The following TTYH1 variants were observed in gnomAD, a reference collection of about 807,000 sequenced individuals.
The protein encoded by TTYH1 is protein tweety homolog 1.
In TTYH1, 33 loss-of-function variants were observed where a neutral mutation model predicts 61.2. That is an observed-to-expected ratio of 0.54 (90% CI 0.41 to 0.72). The LOEUF is 0.72. TTYH1 is among the 30% of genes least tolerant of loss of function. The pLI, the probability that TTYH1 is intolerant of heterozygous loss-of-function variation, is 0.00. For missense variants in TTYH1, 538 were observed against 575.8 expected, an observed-to-expected ratio of 0.93 and a Z score of 0.67; for synonymous variants, 308 against 266.4, an observed-to-expected ratio of 1.16 and a Z score of -1.52.
chr19:54,430,619 G>C lies in TTYH1; in HGVS notation c.939+14G>C. 2 of 1,613,672 alleles carry C rather than the reference G, an allele frequency of 1.2e-6. No individual in the cohort carries two copies. The highest frequency in any genetic ancestry group is 1.7e-6 in the Non-Finnish European group (2 of 1,179,782). ...CCCTTCCAACAGGTTAGGGCTGCGG[G>C]CAGGGGAAACGGGTGTTGAGGGAGC... On this transcript the variant is annotated intron_variant, in intron 8 of 13. Transcript: ENST00000376530.
At position 54,415,712 on chromosome 19, in the gene TTYH1, C is replaced by G; in HGVS notation, c.126+34C>G. 2 of 1,507,544 alleles carry G rather than the reference C, an allele frequency of 1.3e-6. No individual in the cohort carries two copies. The highest frequency in any genetic ancestry group is 1.8e-6 in the Non-Finnish European group (2 of 1,131,048). The allele number at this position is 1,507,544 out of a possible 1,614,324, so 93.4% of individuals were successfully genotyped here. ...GGGCGCCAGGGCCTGGGGGCCAGGG[C>G]TGGGGGCCGGAGCTCCTGGGTCCCG... On this transcript the variant is annotated intron_variant, in intron 1 of 13. Transcript: ENST00000376530. This position sits in a 1 kb window ranked among gnomAD's most constrained non-coding sequence, Gnocchi z 5.2.
intron 4 of TTYH1, among the ~76,000 whole-genome samples, chr19:54,426,050 C>T (rs1340823594): frequency 6.6e-6 from 1 of 152,312 alleles, no homozygotes; most frequent in South Asian, 2.1e-4. Flanking sequence ...TCAGTTCCCT[C>T]GTTCACGCTC....
rs1866012403 is a variant in TTYH1 at position 54,420,138 on chromosome 19, C to A, written c.305+832C>A. Among the ~76,000 whole-genome samples, 1 of 152,176 alleles carries A rather than the reference C, an allele frequency of 6.6e-6. No homozygotes were observed. The highest frequency in any genetic ancestry group is 2.4e-5 in the African/African-American group (1 of 41,442). ...GAGCTTAGGGGGCTTCCAATGTGAA[C>A]ACACCAGCTACCAAGAACGAGCTCT... On this transcript the variant is annotated intron_variant, in intron 2 of 13. Coordinates refer to ENST00000376530, the MANE Select transcript of TTYH1 (RefSeq NM_020659.4). This position sits in a 1 kb window ranked among gnomAD's most constrained non-coding sequence, Gnocchi z 4.8.
chr19:54,430,952 C>A, intron 9 of TTYH1, 47 bp downstream of exon 9: 4 of 1,527,940 alleles, frequency 2.6e-6, no homozygotes, highest in Non-Finnish European at 3.5e-6. Flanking sequence ...ACGGGGAAGG[C>A]GGACGGGGCG....
intron 4 of TTYH1, among the ~76,000 whole-genome samples, chr19:54,424,813 C>G (rs2083290182): frequency 1.3e-5 from 2 of 152,190 alleles, no homozygotes; most frequent in African/African-American, 4.8e-5. Context: ...AGGAGTGAAG[C>G]CCAAGCTTGT....
At position 54,416,068 on chromosome 19, in the gene TTYH1, T is replaced by C. The variant is rs767384708; in HGVS notation, c.126+390T>C. 58 of 1,306,882 alleles carry C rather than the reference T, an allele frequency of 4.4e-5. No homozygotes were observed. The highest frequency in any genetic ancestry group is 5.3e-5 in the Non-Finnish European group (53 of 991,052). 81.0% of individuals were successfully genotyped at this position (1,306,882 alleles called of 1,614,324 possible). ...CCCTGCCCCACAGGATCAGAGCAGG[T>C]GAATATGTCCCAGATAAGGTGGGAC... On this transcript the variant is annotated intron_variant, in intron 1 of 13. Coordinates refer to ENST00000376530, the MANE Select transcript of TTYH1 (RefSeq NM_020659.4). The surrounding 1 kb of genome is among the most constrained non-coding windows in gnomAD (Gnocchi z 7.0).
chr19:54,424,425 TG>T (rs2122893083), intron 4 of TTYH1, among the ~76,000 whole-genome samples: 1 of 152,384 alleles, frequency 6.6e-6, no homozygotes, highest in Non-Finnish European at 1.5e-5. Flanking sequence ...CCTTCCGGGA[TG>T]CTGCGCTCCA....
chr19:54,430,009 G>A (rs1473027398), intron 7 of TTYH1, 52 bp downstream of exon 7: 5 of 1,508,546 alleles, frequency 3.3e-6, no homozygotes, highest in East Asian at 2.3e-5. Context: ...GCAGGCCCTG[G>A]CTTCCTCAGG....
Position 54,416,082 on chromosome 19 carries a change from A to T in TTYH1, c.126+404A>T. ...ATCAGAGCAGGTGAATATGTCCCAG[A>T]TAAGGTGGGACCCAGGAGACAGCGG... On this transcript the variant is annotated intron_variant, in intron 1 of 13. Coordinates refer to ENST00000376530, the MANE Select transcript of TTYH1 (RefSeq NM_020659.4). This position sits in a 1 kb window ranked among gnomAD's most constrained non-coding sequence, Gnocchi z 7.0. 1.5e-6 allele frequency: 2 copies of T among 1,305,064 alleles called. No homozygotes were observed. Among genetic ancestry groups the T allele is most frequent in the Non-Finnish European group, 2.0e-6 (2 of 989,418 alleles). The allele number at this position is 1,305,064 out of a possible 1,614,324, so 80.8% of individuals were successfully genotyped here. A position where few individuals can be genotyped will look rare whatever the true frequency, so the allele number is the denominator to read the frequency against.
Position 54,420,091 on chromosome 19 carries a change from A to G in TTYH1, c.305+785A>G, listed in dbSNP as rs111241651. Reference sequence around the variant, plus strand: ...AGAGATTCAGACCCAGGTTAGTAGGACCCCCTCACACCCCTCAAAGCGAGC... The same window carrying G: ...AGAGATTCAGACCCAGGTTAGTAGGGCCCCCTCACACCCCTCAAAGCGAGC... On this transcript the variant is annotated intron_variant, in intron 2 of 13. Transcript: ENST00000376530. This position sits in a 1 kb window ranked among gnomAD's most constrained non-coding sequence, Gnocchi z 4.8. Among the ~76,000 whole-genome samples, 290 of 151,894 alleles carry G rather than the reference A, an allele frequency of 1.9e-3. 11 individuals are homozygous for G. Among genetic ancestry groups the G allele is most frequent in the African/African-American group, 6.7e-3 (276 of 41,400 alleles).
Position 54,429,019 on chromosome 19 carries a change from A to G in TTYH1, c.735-288A>G, listed in dbSNP as rs982335898. 1.3e-4 allele frequency among the ~76,000 whole-genome samples: 20 copies of G among 152,168 alleles called. No individual in the cohort carries two copies. Among genetic ancestry groups the G allele is most frequent in the African/African-American group, 4.3e-4 (18 of 41,448 alleles). Reference sequence around the variant, plus strand: ...GGGGGAAGTGAGCCCAGAGGTGAGCAGTCACCGTCCCAGGGTCCTGGAGCT... The same window carrying G: ...GGGGGAAGTGAGCCCAGAGGTGAGCGGTCACCGTCCCAGGGTCCTGGAGCT... On this transcript the variant is annotated intron_variant, in intron 5 of 13. Transcript: ENST00000376530. This position sits in a 1 kb window ranked among gnomAD's most constrained non-coding sequence, Gnocchi z 5.1.
Position 54,436,036 on chromosome 19 carries a change from A to G in TTYH1, c.1315-55A>G. On this transcript the variant is annotated intron_variant, in intron 12 of 13. Transcript: ENST00000376530. This position sits in a 1 kb window ranked among gnomAD's most constrained non-coding sequence, Gnocchi z 4.3. The stretch of plus-strand genomic sequence containing the variant: ...GAGGGGCTGGGGTCCCACAGTACAA[A>G]GCCAATTCCCACTCCATTCCCTCCT... The G allele has an allele frequency of 6.3e-7, 1 of 1,599,266 alleles. No homozygotes were observed. The highest frequency in any genetic ancestry group is 1.1e-5 in the South Asian group (1 of 90,656).
chr19:54,417,929 C>T (rs2083123059), intron 1 of TTYH1, among the ~76,000 whole-genome samples: 1 of 152,006 alleles, frequency 6.6e-6, no homozygotes, highest in Non-Finnish European at 1.5e-5. Context: ...CACTCAGGTG[C>T]CCCCTCATCT....
Position 54,416,223 on chromosome 19 carries a change from G to C in TTYH1, c.126+545G>C, listed in dbSNP as rs1365017186. On this transcript the variant is annotated intron_variant, in intron 1 of 13. Coordinates refer to ENST00000376530, the MANE Select transcript of TTYH1 (RefSeq NM_020659.4). The surrounding 1 kb of genome is among the most constrained non-coding windows in gnomAD (Gnocchi z 7.0). ...AGGACCAGGGCTGGAAAATGAAGGG[G>C]CTCTGGGAGAGGAAGCTTCTTGCCC... 1 of 436,366 alleles carries C rather than the reference G, an allele frequency of 2.3e-6. No homozygotes were observed. Among genetic ancestry groups the C allele is most frequent in the East Asian group, 8.4e-5 (1 of 11,950 alleles). The allele number at this position is 436,366 out of a possible 1,614,324, so 27.0% of individuals were successfully genotyped here. A position where few individuals can be genotyped will look rare whatever the true frequency, so the allele number is the denominator to read the frequency against.
intron 10 of TTYH1, chr19:54,433,332 CG>C (rs2083477062): frequency 6.6e-6 from 1 of 152,150 alleles, no homozygotes; most frequent in Admixed American, 6.5e-5. Flanking sequence ...CCAAGGTGGG[CG>C]GATCACCAGA....
In TTYH1 at chr19:54,435,691, A is replaced by T; in HGVS notation, c.1268+7A>T. ...GGGCCCTCTTCCCACCCAGGTCAGG[A>T]GCGGGGGAGGGTAGGGTCCTGGGGA... On this transcript the variant is annotated splice_region_variant and intron_variant, in intron 11 of 13. Coordinates refer to ENST00000376530, the MANE Select transcript of TTYH1 (RefSeq NM_020659.4). The T allele has an allele frequency of 6.2e-7, 1 of 1,608,274 alleles. No homozygotes were observed.
chr19:54,424,468 G>A (rs1389288508), intron 4 of TTYH1, among the ~76,000 whole-genome samples: 1 of 152,246 alleles, frequency 6.6e-6, no homozygotes, highest in Non-Finnish European at 1.5e-5. Context: ...TGAAAAAGCT[G>A]GAGGTCAGGA....
chr19:54,421,528 C>T lies in TTYH1; in HGVS notation c.417+140C>T. The stretch of plus-strand genomic sequence containing the variant: ...CCAGATTCAGAACTTCATCCTGAGA[C>T]CCACAGACCTCAGACTATCCACCCA... On this transcript the variant is annotated intron_variant, in intron 3 of 13. Coordinates refer to ENST00000376530, the MANE Select transcript of TTYH1 (RefSeq NM_020659.4). The surrounding 1 kb of genome is among the most constrained non-coding windows in gnomAD (Gnocchi z 4.8). 1 of 671,264 alleles carries T rather than the reference C, an allele frequency of 1.5e-6. No homozygotes were observed. The highest frequency in any genetic ancestry group is 2.7e-5 in the East Asian group (1 of 36,946). The allele number at this position is 671,264 out of a possible 1,614,324, so 41.6% of individuals were successfully genotyped here. A position where few individuals can be genotyped will look rare whatever the true frequency, so the allele number is the denominator to read the frequency against.
intron 10 of TTYH1, chr19:54,433,219 A>G (rs2083474929): frequency 1.3e-5 from 2 of 152,328 alleles, no homozygotes; most frequent in South Asian, 4.1e-4. Flanking sequence ...CTGGGTCTCC[A>G]TCTCCCCTGT....
Sources: gnomAD v4.1 joint callset for allele counts (sites outside exome capture counted in the v4.1 genomes callset) on GRCh38, gnomAD v4.1.1 for gene constraint, Gnocchi (gnomAD v3.1) non-coding constraint, MANE v1.5 for transcripts, NCBI Gene and HGNC (gene_info 2026-07-23, HGNC 2026-07-21) for gene names.